Variants in LPIN1 observed in about 807,000 individuals in gnomAD.
LPIN1 encodes lipin 1, also known as phosphatidate phosphatase LPIN1.
A neutral mutation model predicts 107.5 loss-of-function variants in LPIN1; 71 were observed. That is an observed-to-expected ratio of 0.66 (90% CI 0.55 to 0.80). LPIN1 has a LOEUF of 0.80. Among genes scored for constraint, LPIN1 ranks in the 30% least tolerant of loss-of-function variants. LPIN1 has a pLI of 0.00. For synonymous variants in LPIN1, 445 were observed against 452.6 expected, an observed-to-expected ratio of 0.98 and a Z score of 0.21; for missense variants, 1,043 against 1,160.6, an observed-to-expected ratio of 0.90 and a Z score of 1.47.
chr2:11,818,399 A>G (rs939426665), intron 18 of LPIN1: 2 of 152,224 alleles, frequency 1.3e-5, no homozygotes, highest in African/African-American at 4.8e-5. Flanking sequence ...ATCTTCTGTT[A>G]GATTTATTTC....
chr2:11,737,016 C>T (rs565322976), intron 1 of LPIN1, among the ~76,000 whole-genome samples: 1 of 152,342 alleles, frequency 6.6e-6, no homozygotes, highest in East Asian at 1.9e-4. Flanking sequence ...CAAAGGGCAT[C>T]ACTTTTATAG....
chr2:11,770,213 C>T (rs903662323), intron 3 of LPIN1, among the ~76,000 whole-genome samples: 20 of 152,302 alleles, frequency 1.3e-4, no homozygotes, highest in Middle Eastern at 3.4e-3. Context: ...CAGCGTGCAG[C>T]GGGACCTGTA....
chr2:11,726,609 T>G (rs549780867), intron 1 of LPIN1, among the ~76,000 whole-genome samples: 89 of 149,854 alleles, frequency 5.9e-4, no homozygotes, highest in African/African-American at 1.6e-3. Flanking sequence ...CTCCTCCCCC[T>G]CCCAAACTCC....
At chr2:11,742,756 G>T (rs1007949563), upstream of LPIN1, among the ~76,000 whole-genome samples, 1 of 152,206 alleles carries the variant, frequency 6.6e-6, no homozygotes, top group Non-Finnish European at 1.5e-5. Context: ...TTCCCAATCT[G>T]ACCAGAGGAG....
chr2:11,771,716 TCAGA>T lies in LPIN1; in HGVS notation c.596+41_596+44del. The T allele has an allele frequency of 6.5e-7, 1 of 1,534,780 alleles. No homozygotes were observed. The highest frequency in any genetic ancestry group is 8.9e-7 in the Non-Finnish European group (1 of 1,128,520). On this transcript the variant is annotated intron_variant, in intron 4 of 20. Coordinates refer to ENST00000674199, the MANE Select transcript of LPIN1 (RefSeq NM_001349206.2). This position sits in a 1 kb window ranked among gnomAD's most constrained non-coding sequence, Gnocchi z 4.8. ...CCAGGGTGGAGGGGCTGTGCCAGAA[TCAGA>T]CAGTTAACTGTTCAAGATTATTTTT...
At chr2:11,815,634 A>T (rs1284608346) in intron 18 of LPIN1, among the ~76,000 whole-genome samples, 1 of 151,956 alleles carries the variant, frequency 6.6e-6, no homozygotes, top group Non-Finnish European at 1.5e-5. Flanking sequence ...CTGAATCTTA[A>T]TGTCCGTTGG....
chr2:11,800,761 T>G (rs1280007684), intron 14 of LPIN1, among the ~76,000 whole-genome samples: 1 of 152,142 alleles, frequency 6.6e-6, no homozygotes, highest in Non-Finnish European at 1.5e-5. Context: ...TTTATTGAGA[T>G]AAAAAGATAA....
At chr2:11,732,891 CTT>C (rs1413314618) in intron 1 of LPIN1, among the ~76,000 whole-genome samples, 3 of 133,152 alleles carry the variant, frequency 2.3e-5, no homozygotes, top group South Asian at 4.3e-4. Context: ...CTCTCTCTCT[CTT>C]TCTCTCTCTC....
At chr2:11,818,029 T>G (rs955159555) in intron 18 of LPIN1, 4 of 151,888 alleles carry the variant, frequency 2.6e-5, no homozygotes, top group Non-Finnish European at 5.9e-5. Context: ...AACGTGTGGT[T>G]CTGTTTTGGG....
intron 3 of LPIN1, among the ~76,000 whole-genome samples, chr2:11,768,988 G>A (rs956584056): frequency 2.0e-5 from 3 of 151,172 alleles, no homozygotes; most frequent in African/African-American, 7.3e-5. Context: ...AACTTGGGTT[G>A]TTTCCACCTT....
Position 11,825,905 on chromosome 2 carries a change from TTCTC to T in LPIN1, c.*1118_*1121del, listed in dbSNP as rs1166270018. The T allele has an allele frequency of 6.6e-6, 1 of 152,240 alleles. No homozygotes were observed. Among genetic ancestry groups the T allele is most frequent in the Non-Finnish European group, 1.5e-5 (1 of 68,042 alleles). The allele number at this position is 152,240 out of a possible 1,614,324, so 9.4% of individuals were successfully genotyped here. On this transcript the variant is annotated 3_prime_UTR_variant, in exon 21 of 21. Transcript: ENST00000674199. The surrounding 1 kb of genome is among the most constrained non-coding windows in gnomAD (Gnocchi z 4.1). ...GTGTTAGACTATCGAAAGGGCCTTA[TTCTC>T]TCTTTCTCATAGACTGACCTTCTTT...
chr2:11,713,624 C>T, intron 1 of LPIN1: 1 of 589,412 alleles, frequency 1.7e-6, no homozygotes, highest in Non-Finnish European at 3.0e-6. Flanking sequence ...AGCCTACATA[C>T]CACCGAATTC....
intron 20 of LPIN1, among the ~76,000 whole-genome samples, chr2:11,823,683 C>G (rs1491004305): frequency 6.6e-6 from 1 of 152,170 alleles, no homozygotes; most frequent in Non-Finnish European, 1.5e-5. Context: ...GCTGGGTGTG[C>G]CAGAATCTCA....
intron 5 of LPIN1, 143 bp downstream of exon 5, chr2:11,773,888 G>C (rs1672266306): frequency 1.1e-6 from 1 of 897,840 alleles, no homozygotes; most frequent in Non-Finnish European, 1.7e-6. Context: ...CGGAGGTACA[G>C]ATTAGGATCA....
Position 11,825,398 on chromosome 2 carries a change from T to C in LPIN1, c.*607T>C, listed in dbSNP as rs566280732. On this transcript the variant is annotated 3_prime_UTR_variant, in exon 21 of 21. Coordinates refer to ENST00000674199, the MANE Select transcript of LPIN1 (RefSeq NM_001349206.2). This position sits in a 1 kb window ranked among gnomAD's most constrained non-coding sequence, Gnocchi z 4.1. ...CCCTTACAGTATTTGCTGACTAGTC[T>C]CATTTTTAGGTGATAAATTTTTCTT... 4.1e-4 allele frequency: 63 copies of C among 153,772 alleles called. No individual in the cohort carries two copies. The highest frequency in any genetic ancestry group is 1.4e-3 in the African/African-American group (60 of 41,580). The allele number at this position is 153,772 out of a possible 1,614,324, so 9.5% of individuals were successfully genotyped here.
intron 20 of LPIN1, among the ~76,000 whole-genome samples, chr2:11,820,851 T>C (rs1023960720): frequency 4.6e-5 from 7 of 152,208 alleles, no homozygotes; most frequent in African/African-American, 1.7e-4. Context: ...CAAACTGAAA[T>C]ATGTGAAGTT....
intron 12 of LPIN1, chr2:11,791,644 T>TTTG (rs199630662): frequency 1.6e-6 from 2 of 1,285,950 alleles, no homozygotes; most frequent in Non-Finnish European, 2.0e-6. Context: ...GCTTTCTTTT[T>TTTG]TTGTTGTTGT....
At chr2:11,729,055 T>C (rs1664938561) in intron 1 of LPIN1, among the ~76,000 whole-genome samples, 1 of 152,216 alleles carries the variant, frequency 6.6e-6, no homozygotes, top group Admixed American at 6.5e-5. Flanking sequence ...TTTGGTGTTT[T>C]AGTCATGAAG....
At chr2:11,762,068 G>A (rs1343015592) in intron 1 of LPIN1, among the ~76,000 whole-genome samples, 2 of 151,952 alleles carry the variant, frequency 1.3e-5, no homozygotes, top group Non-Finnish European at 2.9e-5. Flanking sequence ...CTGTGCTTCT[G>A]CTTGACTGGC....
Sources: allele counts gnomAD v4.1 joint callset (sites outside exome capture counted in the v4.1 genomes callset), GRCh38; gene constraint gnomAD v4.1.1; non-coding constraint Gnocchi (gnomAD v3.1); transcripts MANE v1.5; gene names NCBI Gene and HGNC (gene_info 2026-07-23, HGNC 2026-07-21).